The following TRPM3 variants were observed in gnomAD, a reference collection of about 807,000 sequenced individuals.
The protein encoded by TRPM3 is transient receptor potential cation channel subfamily M member 3, also known as long transient receptor potential channel 3.
Under a neutral mutation model 181.2 loss-of-function variants are expected in TRPM3, and 77 were observed. The observed-to-expected ratio is 0.42, with a 90% confidence interval of 0.35 to 0.51. The LOEUF (loss-of-function observed/expected upper bound fraction) is 0.51, where lower values mean the gene tolerates loss of function less well. Among genes scored for constraint, TRPM3 ranks in the 20% least tolerant of loss-of-function variants. The pLI, the probability that TRPM3 is intolerant of heterozygous loss-of-function variation, is 0.01. For synonymous variants in TRPM3, 745 were observed against 796.4 expected, an observed-to-expected ratio of 0.94 and a Z score of 1.09; for missense variants, 1,759 against 2,196.7, an observed-to-expected ratio of 0.80 and a Z score of 3.98.
chr9:71,304,422 T>C (rs981466786), intron 1 of TRPM3, among the ~76,000 whole-genome samples: 6 of 152,154 alleles, frequency 3.9e-5, no homozygotes, highest in Non-Finnish European at 7.4e-5. Flanking sequence ...GTTGGTAATG[T>C]AAGGACTGGT....
intron 6 of TRPM3, among the ~76,000 whole-genome samples, chr9:70,802,267 T>C (rs1260228433): frequency 6.6e-6 from 1 of 152,220 alleles, no homozygotes; most frequent in Non-Finnish European, 1.5e-5. Context: ...AAGTCTATTT[T>C]AAAGTCTAAA....
chr9:71,305,826 C>A (rs1293491371), intron 1 of TRPM3, among the ~76,000 whole-genome samples: 2 of 152,026 alleles, frequency 1.3e-5, no homozygotes, highest in African/African-American at 4.8e-5. Context: ...TCTTTACCGC[C>A]ATATCTGCTC....
chr9:71,287,292 AAT>A (rs980706631), intron 1 of TRPM3, among the ~76,000 whole-genome samples: 2 of 151,798 alleles, frequency 1.3e-5, no homozygotes, highest in African/African-American at 2.4e-5. Flanking sequence ...AAGAGGCAGA[AAT>A]AGAATAGTTC....
At chr9:71,045,056 T>G (rs981756319) in intron 1 of TRPM3, among the ~76,000 whole-genome samples, 2 of 151,842 alleles carry the variant, frequency 1.3e-5, no homozygotes, top group Non-Finnish European at 2.9e-5. Context: ...GGATTTATTA[T>G]CACTTTTAAT....
At chr9:70,831,975 A>ATT (rs766965104) in intron 5 of TRPM3, among the ~76,000 whole-genome samples, 22,127 of 89,894 alleles carry the variant, frequency 0.25, 2,945 homozygotes, top group Middle Eastern at 0.34. Flanking sequence ...ATATATATAT[A>ATT]TATATATATA....
At chr9:71,313,607 C>T (rs1481293882) in intron 1 of TRPM3, among the ~76,000 whole-genome samples, 1 of 152,012 alleles carries the variant, frequency 6.6e-6, no homozygotes. Flanking sequence ...TGTTGCATAC[C>T]TTTTCTAATT....
chr9:70,857,184 C>T (rs527244060), intron 3 of TRPM3, among the ~76,000 whole-genome samples: 27 of 152,176 alleles, frequency 1.8e-4, no homozygotes, highest in African/African-American at 5.8e-4. Flanking sequence ...ACTGCAGGGT[C>T]TTCTGGTTGT....
intron 5 of TRPM3, among the ~76,000 whole-genome samples, chr9:70,833,562 G>A (rs1423390958): frequency 6.6e-6 from 1 of 152,138 alleles, no homozygotes; most frequent in Non-Finnish European, 1.5e-5. Context: ...AATTATAGGG[G>A]CTCAAAGAGG....
In TRPM3 at chr9:70,534,772, A is replaced by T. The variant is rs1458109112; in HGVS notation, c.*1181T>A. ...CATAGAAAAGATACCAGCCCTTGAA[A>T]AACTCCAATTAAATTTATGCTGAGC... On this transcript the variant is annotated 3_prime_UTR_variant, in exon 26 of 26. Coordinates refer to ENST00000677713, the MANE Select transcript of TRPM3 (RefSeq NM_001366145.2). The T allele has an allele frequency of 6.6e-6, 1 of 152,254 alleles. No homozygotes were observed. Among genetic ancestry groups the T allele is most frequent in the Non-Finnish European group, 1.5e-5 (1 of 68,052 alleles). The allele number at this position is 152,254 out of a possible 1,614,324, so 9.4% of individuals were successfully genotyped here.
At chr9:71,143,496 A>G (rs1221061221) in intron 1 of TRPM3, among the ~76,000 whole-genome samples, 1 of 152,134 alleles carries the variant, frequency 6.6e-6, no homozygotes, top group Non-Finnish European at 1.5e-5. Context: ...AGCTCTATTC[A>G]TGTCCCTGCA....
intron 1 of TRPM3, among the ~76,000 whole-genome samples, chr9:70,949,039 A>G (rs1435709983): frequency 6.6e-6 from 1 of 152,056 alleles, no homozygotes; most frequent in Non-Finnish European, 1.5e-5. Flanking sequence ...GTATTCATTC[A>G]ATTAGTATTT....
chr9:70,928,198 T>C (rs892493595), intron 1 of TRPM3, among the ~76,000 whole-genome samples: 1 of 152,194 alleles, frequency 6.6e-6, no homozygotes, highest in Non-Finnish European at 1.5e-5. Context: ...CTTTAATATC[T>C]TGGAGTCTCA....
chr9:70,977,281 C>T (rs12237948), intron 1 of TRPM3, among the ~76,000 whole-genome samples: 41,780 of 152,008 alleles, frequency 0.27, 5,845 homozygotes, highest in South Asian at 0.31. Flanking sequence ...ACTACAGGCT[C>T]GCGCCACCAT....
At chr9:71,124,911 C>G (rs976209362), upstream of TRPM3, among the ~76,000 whole-genome samples, 1 of 152,176 alleles carries the variant, frequency 6.6e-6, no homozygotes, top group Non-Finnish European at 1.5e-5. Flanking sequence ...ACTAAAATAA[C>G]AGTGTTGCAA....
chr9:70,620,483 C>A, intron 15 of TRPM3, 118 bp from the exon 16 acceptor site: 4 of 1,135,256 alleles, frequency 3.5e-6, no homozygotes, highest in Non-Finnish European at 5.0e-6. Flanking sequence ...ATGAACGAGG[C>A]CAGCTCCTGT....
intron 1 of TRPM3, among the ~76,000 whole-genome samples, chr9:71,026,274 G>T (rs372225565): frequency 6.6e-6 from 1 of 152,122 alleles, no homozygotes; most frequent in Admixed American, 6.5e-5. Flanking sequence ...TGACCTGAGC[G>T]CCCCTCCATC....
rs1486179514 is a variant in TRPM3, at chr9:70,553,301, C to A, written c.3233G>T (p.Gly1078Val). 11 of 1,613,880 alleles carry A rather than the reference C, an allele frequency of 6.8e-6. No homozygotes were observed. Among genetic ancestry groups the A allele is most frequent in the Non-Finnish European group, 9.3e-6 (11 of 1,180,002 alleles). The change falls in exon 23 of 26, where the codon GGA (glycine) becomes GTA (valine). Residue 1078 changes from glycine to valine, a missense_variant. Around this residue, in one of 8 missense-constraint regions of TRPM3, gnomAD observed 94 missense variants for 221.3 expected, o/e 0.42. Coordinates refer to ENST00000677713, the MANE Select transcript of TRPM3 (RefSeq NM_001366145.2). Reference sequence around the variant, plus strand: ...ACCATCCTCTCGGGTCTCATTCTGTCCACAGGGAGCTGGAGGGAGCAACAC... The same window carrying A: ...ACCATCCTCTCGGGTCTCATTCTGTACACAGGGAGCTGGAGGGAGCAACAC... Reference protein sequence around the residue: ...VFADQIDPPCGQNETREDGKI... With the variant: ...VFADQIDPPCVQNETREDGKI...
intron 1 of TRPM3, among the ~76,000 whole-genome samples, chr9:71,378,209 G>A (rs1207037615): frequency 6.6e-6 from 1 of 151,916 alleles, no homozygotes; most frequent in African/African-American, 2.4e-5. Flanking sequence ...GACCAAATAG[G>A]GTTTAATTTT....
At chr9:71,337,552 C>A (rs1412898771) in intron 1 of TRPM3, among the ~76,000 whole-genome samples, 1 of 152,070 alleles carries the variant, frequency 6.6e-6, no homozygotes, top group Non-Finnish European at 1.5e-5. Flanking sequence ...CCAGAAATAC[C>A]ATTTTACCCA....
Sources: allele counts gnomAD v4.1 joint callset (sites outside exome capture counted in the v4.1 genomes callset), GRCh38; gene constraint gnomAD v4.1.1; regional missense constraint gnomAD v4.1.1; transcripts MANE v1.5; gene names NCBI Gene and HGNC (gene_info 2026-07-23, HGNC 2026-07-21).